Variants in PHLPP1 observed in about 807,000 individuals in gnomAD.
PHLPP1 encodes the protein PH domain leucine-rich repeat-containing protein phosphatase 1.
A neutral mutation model predicts 117.2 loss-of-function variants in PHLPP1; 42 were observed. The observed-to-expected ratio is 0.36, with a 90% CI of 0.28 to 0.46. PHLPP1 has a LOEUF of 0.46. Ranked by LOEUF, PHLPP1 falls within the 20% of genes least tolerant of loss-of-function variation. The pLI, the probability that PHLPP1 is intolerant of heterozygous loss-of-function variation, is 1.00. For missense variants in PHLPP1, 2,084 were observed against 2,241.9 expected, an observed-to-expected ratio of 0.93 and a Z score of 1.42; for synonymous variants, 1,042 against 970.7, an observed-to-expected ratio of 1.07 and a Z score of -1.37.
intron 4 of PHLPP1, among the ~76,000 whole-genome samples, chr18:62,893,969 G>A (rs1352432809): frequency 1.3e-5 from 2 of 152,236 alleles, no homozygotes; most frequent in South Asian, 2.1e-4. Context: ...GCATGTGATA[G>A]GACTGAGATA....
chr18:62,788,077 A>C (rs1479412315), intron 1 of PHLPP1, among the ~76,000 whole-genome samples: 5 of 152,254 alleles, frequency 3.3e-5, no homozygotes, highest in Non-Finnish European at 7.3e-5. Flanking sequence ...TTTCAATAAT[A>C]CATCAATGAA....
chr18:62,968,912 T>C (rs1910979677), intron 14 of PHLPP1, among the ~76,000 whole-genome samples: 1 of 152,226 alleles, frequency 6.6e-6, no homozygotes, highest in Admixed American at 6.5e-5. Context: ...GTAATTTGTG[T>C]TTTCTTTTTC....
intron 3 of PHLPP1, among the ~76,000 whole-genome samples, chr18:62,844,527 G>GT (rs560477327): frequency 1.3e-5 from 2 of 152,200 alleles, no homozygotes. Flanking sequence ...GGCTTCCACT[G>GT]TTACCATCTC....
At chr18:62,841,442 C>T (rs527795611) in intron 3 of PHLPP1, among the ~76,000 whole-genome samples, 9 of 150,478 alleles carry the variant, frequency 6.0e-5, no homozygotes, top group African/African-American at 2.2e-4. Flanking sequence ...AAGCAATTCT[C>T]CCATCTCAGC....
chr18:62,716,175 G>C lies in PHLPP1; in HGVS notation c.492G>C (p.Ser164=), dbSNP rs1292194341. ...AAGLPASCSA[S]ASLCTRSLDR... ...GCCTCCCCGCCTCCTGCTCGGCCTCGGCGTCGCTGTGCACCCGGAGCCTGG... is the reference window on the plus strand; with the variant it reads ...GCCTCCCCGCCTCCTGCTCGGCCTCCGCGTCGCTGTGCACCCGGAGCCTGG... Residue 164 remains serine (S), a synonymous_variant, in exon 1 of 17, where the codon TCG becomes TCC. Transcript: ENST00000262719. This position sits in a 1 kb window ranked among gnomAD's most constrained non-coding sequence, Gnocchi z 5.7. The C allele has an allele frequency of 2.6e-6, 4 of 1,519,924 alleles. No homozygotes were observed. Among genetic ancestry groups the C allele is most frequent in the African/African-American group, 1.4e-5 (1 of 70,808 alleles). The allele number at this position is 1,519,924 out of a possible 1,614,324, so 94.2% of individuals were successfully genotyped here. A position where few individuals can be genotyped will look rare whatever the true frequency, so the allele number is the denominator to read the frequency against.
At chr18:62,888,794 C>G (rs185133335) in intron 4 of PHLPP1, among the ~76,000 whole-genome samples, 4 of 152,336 alleles carry the variant, frequency 2.6e-5, no homozygotes, top group African/African-American at 7.2e-5. Context: ...GATTTCTAGA[C>G]TTTTCCTCCA....
chr18:62,966,017 T>C (rs1281402489), intron 14 of PHLPP1, among the ~76,000 whole-genome samples: 3 of 152,108 alleles, frequency 2.0e-5, no homozygotes, highest in Non-Finnish European at 2.9e-5. Flanking sequence ...TCATAATAAA[T>C]AGAGGCAAGA....
chr18:62,739,270 T>A (rs1460290887), intron 1 of PHLPP1, among the ~76,000 whole-genome samples: 1 of 152,216 alleles, frequency 6.6e-6, no homozygotes, highest in Non-Finnish European at 1.5e-5. Flanking sequence ...CGAGTTATAT[T>A]GAGTGAAATA....
chr18:62,736,771 A>G (rs1911380696), intron 1 of PHLPP1, among the ~76,000 whole-genome samples: 2 of 152,230 alleles, frequency 1.3e-5, no homozygotes, highest in African/African-American at 4.8e-5. Flanking sequence ...CTCACCACCC[A>G]GCTTCCAAAT....
intron 1 of PHLPP1, among the ~76,000 whole-genome samples, chr18:62,726,355 T>C (rs1187646537): frequency 6.6e-6 from 1 of 152,090 alleles, no homozygotes; most frequent in East Asian, 1.9e-4. Flanking sequence ...TGTTTGCTTT[T>C]TTCTTACTAA....
intron 1 of PHLPP1, among the ~76,000 whole-genome samples, chr18:62,761,051 G>A (rs1199502524): frequency 1.3e-5 from 2 of 151,804 alleles, no homozygotes; most frequent in Admixed American, 6.6e-5. Context: ...TTTTTGTAGC[G>A]ATGGGATTTT....
At chr18:62,933,523 T>A (rs1015008432) in intron 10 of PHLPP1, among the ~76,000 whole-genome samples, 1 of 152,050 alleles carries the variant, frequency 6.6e-6, no homozygotes, top group Non-Finnish European at 1.5e-5. Flanking sequence ...GAAAGGACAC[T>A]CTATTCAGTA....
At chr18:62,725,126 A>AG (rs1180103159) in intron 1 of PHLPP1, among the ~76,000 whole-genome samples, 22 of 152,268 alleles carry the variant, frequency 1.4e-4, no homozygotes, top group Non-Finnish European at 1.3e-4. Context: ...TGGGAGGCTG[A>AG]GTCGGGCAGA....
chr18:62,721,697 C>A (rs1338013224), intron 1 of PHLPP1, among the ~76,000 whole-genome samples: 1 of 152,048 alleles, frequency 6.6e-6, no homozygotes, highest in Non-Finnish European at 1.5e-5. Context: ...CTTTTGTACT[C>A]ATTGAAGTAA....
intron 1 of PHLPP1, among the ~76,000 whole-genome samples, chr18:62,748,788 A>G (rs1278368497): frequency 6.6e-6 from 1 of 152,136 alleles, no homozygotes; most frequent in Non-Finnish European, 1.5e-5. Flanking sequence ...CTGAGAATCT[A>G]TGGATTCAAT....
chr18:62,737,034 T>C (rs575477212), intron 1 of PHLPP1, among the ~76,000 whole-genome samples: 1 of 152,204 alleles, frequency 6.6e-6, no homozygotes, highest in South Asian at 2.1e-4. Flanking sequence ...TAATGGGAGG[T>C]GACGTTTACA....
At position 62,772,399 on chromosome 18, in the gene PHLPP1, T is replaced by C. The variant is rs571506497; in HGVS notation, c.1576+55140T>C. Among the ~76,000 whole-genome samples the C allele has an allele frequency of 2.6e-5, 4 of 152,272 alleles. No homozygotes were observed. In the South Asian group the frequency reaches 8.3e-4, roughly 32 times the overall value. ...TGATGTGTAATAGTGAAATAATTCT[T>C]AGGGTGATGAAATAAAGTGTTTTAA... On this transcript the variant is annotated intron_variant, in intron 1 of 16. Coordinates refer to ENST00000262719, the MANE Select transcript of PHLPP1 (RefSeq NM_194449.4).
chr18:62,821,903 C>G (rs1220230516), intron 1 of PHLPP1, among the ~76,000 whole-genome samples: 1 of 151,848 alleles, frequency 6.6e-6, no homozygotes, highest in African/African-American at 2.4e-5. Flanking sequence ...GGATTACAGG[C>G]GCATGCCACT....
At chr18:62,928,056 G>A (rs538970752) in intron 10 of PHLPP1, among the ~76,000 whole-genome samples, 5 of 152,172 alleles carry the variant, frequency 3.3e-5, no homozygotes, top group South Asian at 2.1e-4. Context: ...AGGTAATAAC[G>A]GAGTAATGTT....
Sources: allele counts gnomAD v4.1 joint callset (sites outside exome capture counted in the v4.1 genomes callset), GRCh38; gene constraint gnomAD v4.1.1; non-coding constraint Gnocchi (gnomAD v3.1); transcripts MANE v1.5; gene names NCBI Gene and HGNC (gene_info 2026-07-23, HGNC 2026-07-21).